Variants in OSBPL8 observed in about 807,000 individuals in gnomAD.
OSBPL8 encodes the protein oxysterol binding protein like 8.
OSBPL8 carries 59 observed loss-of-function variants against 125.5 expected under a neutral mutation model. That is an observed-to-expected ratio of 0.47 (90% confidence interval 0.38 to 0.58). The LOEUF (loss-of-function observed/expected upper bound fraction) is 0.58. Ranked by LOEUF, OSBPL8 falls within the 20% of genes least tolerant of loss-of-function variation. The probability of loss-of-function intolerance (pLI) is 0.00; values close to 1 mark genes in which losing one functional copy is unlikely to be tolerated. For missense variants in OSBPL8, 758 were observed against 1,047.8 expected (o/e 0.72, Z 3.82); for synonymous variants, 330 against 338.9 (o/e 0.97, Z 0.29).
intron 2 of OSBPL8, among the ~76,000 whole-genome samples, chr12:76,479,077 C>A (rs931138008): frequency 1.3e-5 from 2 of 152,112 alleles, no homozygotes; most frequent in Non-Finnish European, 2.9e-5. Flanking sequence ...ACAAAGTATA[C>A]CTATCAAATT....
At chr12:76,531,491 T>C (rs1029041864) in intron 1 of OSBPL8, among the ~76,000 whole-genome samples, 1 of 152,202 alleles carries the variant, frequency 6.6e-6, no homozygotes, top group African/African-American at 2.4e-5. Flanking sequence ...CAAACCCACA[T>C]GGATTTTAAG....
rs143679243 is a variant in OSBPL8 at position 76,393,293 on chromosome 12, G to GA, written c.758-542dup. Reference sequence around the variant, plus strand: ...GTAAAAATTTAAAAGTGAATTAGCAGAAAACTTTTCATTTATATTTGTTTA... The same window carrying GA: ...GTAAAAATTTAAAAGTGAATTAGCAGAAAAACTTTTCATTTATATTTGTTTA... On this transcript the variant is annotated intron_variant, in intron 9 of 23. Transcript: ENST00000261183. Among the ~76,000 whole-genome samples, 253 of 152,252 alleles carry GA rather than the reference G, an allele frequency of 1.7e-3. 1 individual carries two copies. Among genetic ancestry groups the GA allele is most frequent in the African/African-American group, 5.8e-3 (243 of 41,566 alleles).
At chr12:76,554,585 T>C (rs139509342) in intron 1 of OSBPL8, among the ~76,000 whole-genome samples, 2 of 152,294 alleles carry the variant, frequency 1.3e-5, no homozygotes, top group East Asian at 1.9e-4. Context: ...TGCGGGGTGG[T>C]TGTCAGGATC....
intron 1 of OSBPL8, among the ~76,000 whole-genome samples, chr12:76,513,170 T>C (rs1368614580): frequency 1.3e-5 from 2 of 152,248 alleles, no homozygotes; most frequent in East Asian, 3.8e-4. Context: ...ATGTTTGGTA[T>C]GATTTTGGTT....
chr12:76,480,429 G>A (rs1877345848), intron 2 of OSBPL8, among the ~76,000 whole-genome samples: 1 of 152,128 alleles, frequency 6.6e-6, no homozygotes, highest in Admixed American at 6.6e-5. Flanking sequence ...AATTGTTGAA[G>A]ATGAGTAATG....
chr12:76,357,641 C>T (rs1235530381), intron 22 of OSBPL8, among the ~76,000 whole-genome samples: 1 of 152,154 alleles, frequency 6.6e-6, no homozygotes, highest in Non-Finnish European at 1.5e-5. Flanking sequence ...ACTCTCCAAG[C>T]CTAGATTGCT....
At chr12:76,424,756 G>A (rs1358654729) in intron 4 of OSBPL8, among the ~76,000 whole-genome samples, 1 of 152,058 alleles carries the variant, frequency 6.6e-6, no homozygotes, top group Non-Finnish European at 1.5e-5. Flanking sequence ...AAAGAGTCTA[G>A]GTTAAAATGG....
intron 8 of OSBPL8, among the ~76,000 whole-genome samples, chr12:76,396,669 G>A (rs975053671): frequency 1.3e-5 from 2 of 152,228 alleles, no homozygotes; most frequent in South Asian, 4.1e-4. Context: ...TGGGAGAACT[G>A]CTTAAGCACG....
At chr12:76,504,373 C>T (rs1441539499) in intron 1 of OSBPL8, among the ~76,000 whole-genome samples, 2 of 152,076 alleles carry the variant, frequency 1.3e-5, no homozygotes, top group African/African-American at 2.4e-5. Flanking sequence ...CTGTGCTCTC[C>T]TCTGTATCAT....
intron 21 of OSBPL8, among the ~76,000 whole-genome samples, chr12:76,368,115 C>G (rs75742234): frequency 6.6e-6 from 1 of 152,138 alleles, no homozygotes. Context: ...TGGTAATGAA[C>G]TCCCTCAGCT....
At chr12:76,397,248 T>C (rs1565861915) in intron 8 of OSBPL8, among the ~76,000 whole-genome samples, 1 of 150,566 alleles carries the variant, frequency 6.6e-6, no homozygotes, top group Non-Finnish European at 1.5e-5. Context: ...TTATAGGCTT[T>C]ACATCACTAC....
At chr12:76,503,764 C>T (rs528235959) in intron 1 of OSBPL8, among the ~76,000 whole-genome samples, 3 of 151,898 alleles carry the variant, frequency 2.0e-5, no homozygotes, top group Admixed American at 6.6e-5. Context: ...AGGATGGTTT[C>T]GATCTCCTGA....
rs568831206 is a variant in OSBPL8, at chr12:76,507,379, T to G, written c.-67-19761A>C. Reference sequence around the variant, plus strand: ...TAACCTTAAAATAATGATTGAATATTGAACATTCAATTATTCAGTAATGAA... The same window carrying G: ...TAACCTTAAAATAATGATTGAATATGGAACATTCAATTATTCAGTAATGAA... On this transcript the variant is annotated intron_variant, in intron 1 of 23. Transcript: ENST00000261183. Among the ~76,000 whole-genome samples, 261 of 151,908 alleles carry G rather than the reference T, an allele frequency of 1.7e-3. 2 individuals carry two copies. The highest frequency in any genetic ancestry group is 3.0e-3 in the Non-Finnish European group (206 of 68,020).
intron 4 of OSBPL8, among the ~76,000 whole-genome samples, chr12:76,429,043 G>C (rs1488461363): frequency 6.6e-6 from 1 of 151,954 alleles, no homozygotes; most frequent in Non-Finnish European, 1.5e-5. Context: ...TAATTACATG[G>C]CTGCAAATTA....
chr12:76,385,886 TGA>T, intron 14 of OSBPL8: 1 of 256,662 alleles, frequency 3.9e-6, no homozygotes, highest in Middle Eastern at 1.3e-3. Context: ...TTAGGAAATA[TGA>T]GCTCAGCCAA....
At chr12:76,431,259 C>A in intron 4 of OSBPL8, among the ~76,000 whole-genome samples, 1 of 144,566 alleles carries the variant, frequency 6.9e-6, no homozygotes, top group Non-Finnish European at 1.5e-5. Flanking sequence ...GATTAAAAAG[C>A]TAAAGAGAAA....
intron 17 of OSBPL8, among the ~76,000 whole-genome samples, chr12:76,374,803 A>C (rs1952749213): frequency 6.6e-6 from 1 of 152,140 alleles, no homozygotes; most frequent in African/African-American, 2.4e-5. Context: ...TTTTTGACTC[A>C]CAGAACTCAT....
intron 18 of OSBPL8, 35 bp downstream of exon 18, chr12:76,373,309 A>G (rs756304638): frequency 7.4e-7 from 1 of 1,352,116 alleles, no homozygotes. Flanking sequence ...ACAGAATAAA[A>G]TTCTTTTTGT....
intron 19 of OSBPL8, 103 bp from the exon 20 acceptor site, chr12:76,369,925 T>C (rs1952557275): frequency 1.7e-6 from 2 of 1,153,648 alleles, no homozygotes; most frequent in Non-Finnish European, 2.4e-6. Flanking sequence ...AATGCTCACA[T>C]GAATTTCTGG....
Sources: allele counts gnomAD v4.1 joint callset (sites outside exome capture counted in the v4.1 genomes callset), GRCh38; gene constraint gnomAD v4.1.1; transcripts MANE v1.5; gene names NCBI Gene and HGNC (gene_info 2026-07-23, HGNC 2026-07-21).